Variants in ALDH1A1 observed in about 807,000 individuals in gnomAD.
ALDH1A1 encodes the protein aldehyde dehydrogenase 1A1.
In ALDH1A1, 19 loss-of-function variants were observed where a neutral mutation model predicts 62.1. That is an observed-to-expected ratio of 0.31 (90% CI 0.21 to 0.45). ALDH1A1 has a LOEUF of 0.45. Among genes scored for constraint, ALDH1A1 ranks in the 20% least tolerant of loss-of-function variants. The pLI is 1.00. For missense variants in ALDH1A1, 521 were observed against 607.1 expected (o/e 0.86, Z 1.49); for synonymous variants, 231 against 215.9 (o/e 1.07, Z -0.61).
At chr9:72,927,090 G>T (rs200078701) in intron 5 of ALDH1A1, 26 bp downstream of exon 5, 19 of 1,535,400 alleles carry the variant, frequency 1.2e-5, no homozygotes, top group South Asian at 3.6e-5. Flanking sequence ...TTTTAAAATT[G>T]AGAATTATAT....
At chr9:72,939,902 T>C (rs960590591) in intron 2 of ALDH1A1, among the ~76,000 whole-genome samples, 1 of 150,402 alleles carries the variant, frequency 6.6e-6, no homozygotes, top group Non-Finnish European at 1.5e-5. Flanking sequence ...CAATTGAAAA[T>C]AAAGGAAAAT....
chr9:72,933,250 C>A (rs1289304833), intron 2 of ALDH1A1, among the ~76,000 whole-genome samples: 1 of 152,170 alleles, frequency 6.6e-6, no homozygotes, highest in Non-Finnish European at 1.5e-5. Flanking sequence ...TTCGACTCTG[C>A]AGCATTCTCA....
chr9:72,948,177 G>C (rs1262174854), intron 1 of ALDH1A1, among the ~76,000 whole-genome samples: 1 of 151,862 alleles, frequency 6.6e-6, no homozygotes, highest in Non-Finnish European at 1.5e-5. Flanking sequence ...TTGAAGCCAG[G>C]TTTAGCTTGT....
At chr9:72,952,517 T>C (rs778651259) in intron 1 of ALDH1A1, among the ~76,000 whole-genome samples, 3 of 151,968 alleles carry the variant, frequency 2.0e-5, no homozygotes, top group Admixed American at 6.6e-5. Flanking sequence ...GAAAGTTATG[T>C]TATTTCAGTA....
At chr9:72,929,094 A>G in intron 3 of ALDH1A1, 73 bp from the exon 4 acceptor site, 5 of 1,496,024 alleles carry the variant, frequency 3.3e-6, no homozygotes, top group Non-Finnish European at 4.5e-6. Context: ...AAATATTTTC[A>G]GCAATCATGT....
At chr9:72,944,784 T>G (rs750515271) in intron 1 of ALDH1A1, among the ~76,000 whole-genome samples, 1 of 152,142 alleles carries the variant, frequency 6.6e-6, no homozygotes, top group Non-Finnish European at 1.5e-5. Context: ...TTAACTCAAT[T>G]CTAATTATGA....
chr9:72,902,674 A>T (rs1346064537), intron 12 of ALDH1A1, among the ~76,000 whole-genome samples: 1 of 151,948 alleles, frequency 6.6e-6, no homozygotes, highest in Non-Finnish European at 1.5e-5. Flanking sequence ...TCAGGAGAGT[A>T]ATAAGTGGGA....
intron 11 of ALDH1A1, among the ~76,000 whole-genome samples, chr9:72,907,796 T>C (rs1829894062): frequency 6.6e-6 from 1 of 152,320 alleles, no homozygotes; most frequent in African/African-American, 2.4e-5. Flanking sequence ...CTTCAGTAAG[T>C]GGCGATAATA....
chr9:72,918,862 C>CCT, intron 7 of ALDH1A1, 40 bp from the exon 8 acceptor site: 1 of 1,426,954 alleles, frequency 7.0e-7, no homozygotes, highest in Non-Finnish European at 9.8e-7. Flanking sequence ...TTACCCTGCT[C>CCT]TCATGAACAC....
At chr9:72,902,010 TG>T (rs1467829616) in intron 12 of ALDH1A1, among the ~76,000 whole-genome samples, 2 of 152,064 alleles carry the variant, frequency 1.3e-5, no homozygotes, top group Non-Finnish European at 2.9e-5. Context: ...GATGATAGAT[TG>T]GTCTAAATTC....
chr9:72,948,679 C>T (rs1045989785), intron 1 of ALDH1A1, among the ~76,000 whole-genome samples: 1 of 151,824 alleles, frequency 6.6e-6, no homozygotes, highest in Non-Finnish European at 1.5e-5. Context: ...AACATTTATC[C>T]TAATTTCTGA....
rs1244468302 is a variant in ALDH1A1 at position 72,930,975 on chromosome 9, C to T, written c.216G>A (p.Gln72=). 4 of 1,614,080 alleles carry T rather than the reference C, an allele frequency of 2.5e-6. No homozygotes were observed. Among genetic ancestry groups the T allele is most frequent in the Non-Finnish European group, 3.4e-6 (4 of 1,179,978 alleles). Residue 72 remains glutamine, a synonymous_variant, in exon 3 of 13, where the codon CAG becomes CAA. Coordinates refer to ENST00000297785, the MANE Select transcript of ALDH1A1 (RefSeq NM_000689.5). The part of the protein sequence containing the change: ...KAVKAARQAF[Q]IGSPWRTMDA... ...CCATAGTACGCCACGGGGATCCAATCTGAAAAGCCTGTCTTGCGGCCTTCA... is the reference window on the plus strand; with the variant it reads ...CCATAGTACGCCACGGGGATCCAATTTGAAAAGCCTGTCTTGCGGCCTTCA...
At chr9:72,923,899 A>C in intron 7 of ALDH1A1, 120 bp downstream of exon 7, 1 of 630,498 alleles carries the variant, frequency 1.6e-6, no homozygotes, top group Non-Finnish European at 2.6e-6. Flanking sequence ...AAAATAAGTA[A>C]CAAATCATTA....
In ALDH1A1 at chr9:72,912,126, T is replaced by C. The variant is rs767077892; in HGVS notation, c.1036-4A>G. Reference sequence around the variant, plus strand: ...TATCATATTGTTCCTTGTCAATCTATTTGAAAAATATCACATGAAAAGAAA... The same window carrying C: ...TATCATATTGTTCCTTGTCAATCTACTTGAAAAATATCACATGAAAAGAAA... On this transcript the variant is annotated splice_region_variant and splice_polypyrimidine_tract_variant and intron_variant, in intron 9 of 12. Transcript: ENST00000297785. 2 of 1,607,542 alleles carry C rather than the reference T, an allele frequency of 1.2e-6. No individual in the cohort carries two copies. The highest frequency in any genetic ancestry group is 1.7e-5 in the Admixed American group (1 of 58,870).
chr9:72,903,742 C>A (rs1829837042), intron 12 of ALDH1A1, among the ~76,000 whole-genome samples: 1 of 151,728 alleles, frequency 6.6e-6, no homozygotes, highest in Non-Finnish European at 1.5e-5. Flanking sequence ...TTCTTTATGC[C>A]TTCACCTTAA....
At chr9:72,903,792 G>A (rs186865266) in intron 12 of ALDH1A1, among the ~76,000 whole-genome samples, 1 of 151,998 alleles carries the variant, frequency 6.6e-6, no homozygotes, top group African/African-American at 2.4e-5. Flanking sequence ...GACATGTTTG[G>A]TCTACTTTAG....
chr9:72,913,881 A>T (rs1031483445), intron 9 of ALDH1A1, among the ~76,000 whole-genome samples: 15 of 152,172 alleles, frequency 9.9e-5, no homozygotes, highest in African/African-American at 3.6e-4. Context: ...GGAGCTTGGG[A>T]CTACAAACAA....
intron 9 of ALDH1A1, among the ~76,000 whole-genome samples, chr9:72,916,378 C>T (rs549985197): frequency 4.2e-4 from 64 of 152,250 alleles, no homozygotes; most frequent in Admixed American, 1.6e-3. Flanking sequence ...ACAAAGAAAA[C>T]TGAGTGCCTA....
At chr9:72,940,078 G>T in intron 2 of ALDH1A1, 70 bp downstream of exon 2, 1 of 1,168,934 alleles carries the variant, frequency 8.6e-7, no homozygotes, top group Non-Finnish European at 1.3e-6. Flanking sequence ...TTGCAATGGG[G>T]TTCAGGAGCT....
Sources: gnomAD v4.1 joint callset for allele counts (sites outside exome capture counted in the v4.1 genomes callset) on GRCh38, gnomAD v4.1.1 for gene constraint, MANE v1.5 for transcripts, NCBI Gene and HGNC (gene_info 2026-07-23, HGNC 2026-07-21) for gene names.